Variants in PRKAR2B observed in about 807,000 individuals in gnomAD.
PRKAR2B encodes the protein protein kinase cAMP-dependent type II regulatory subunit beta.
In PRKAR2B, 14 loss-of-function variants were observed where a neutral mutation model predicts 49.9. That is an observed-to-expected ratio of 0.28 (90% CI 0.19 to 0.44). The LOEUF is 0.44. PRKAR2B is among the 20% of genes least tolerant of loss of function. The pLI, the probability that PRKAR2B is intolerant of heterozygous loss-of-function variation, is 1.00. For missense variants in PRKAR2B, 393 were observed against 537.9 expected (o/e 0.73, Z 2.67); for synonymous variants, 196 against 197.7 (o/e 0.99, Z 0.07).
intron 1 of PRKAR2B, among the ~76,000 whole-genome samples, chr7:107,060,324 G>T (rs1333707716): frequency 1.3e-5 from 2 of 152,124 alleles, no homozygotes; most frequent in East Asian, 1.9e-4. Context: ...CTTTATAAAG[G>T]TGTTGCACCA....
chr7:107,149,096 A>G (rs1268402391), intron 6 of PRKAR2B, among the ~76,000 whole-genome samples: 1 of 152,314 alleles, frequency 6.6e-6, no homozygotes, highest in Non-Finnish European at 1.5e-5. Context: ...GGGAGCATTT[A>G]TGAATTATTG....
At position 107,045,074 on chromosome 7, in the gene PRKAR2B, G is replaced by A; in HGVS notation, c.167G>A (p.Arg56Lys). ...KGTARFGHEG[R>K]TWGDLGAAAG... ...ACCGCGCGCTTCGGCCATGAGGGCA[G>A]GACCTGGGGGGACCTGGGCGCCGCT... The change falls in exon 1 of 11, where the codon AGG (arginine) becomes AAG (lysine). Residue 56 changes from arginine to lysine, a missense_variant. Around this residue, in one of 2 missense-constraint regions of PRKAR2B, gnomAD observed 160 missense variants for 147.6 expected, o/e 1.08. Coordinates refer to ENST00000265717, the MANE Select transcript of PRKAR2B (RefSeq NM_002736.3). 6.5e-7 allele frequency: 1 copy of A among 1,535,844 alleles called. No homozygotes were observed.
chr7:107,044,902 G>A lies in PRKAR2B; in HGVS notation c.-6G>A, dbSNP rs1162910750. ...GCGCCCAGGCGCCTGCCGCCCCGGA[G>A]GCAGGATGAGCATCGAGATCCCGGC... On this transcript the variant is annotated 5_prime_UTR_variant, in exon 1 of 11. Coordinates refer to ENST00000265717, the MANE Select transcript of PRKAR2B (RefSeq NM_002736.3). 9 of 1,590,970 alleles carry A rather than the reference G, an allele frequency of 5.7e-6. No homozygotes were observed. The Admixed American group carries it at 6.9e-5, about 12-fold the overall frequency.
chr7:107,103,028 C>G (rs188917974), intron 2 of PRKAR2B, among the ~76,000 whole-genome samples: 4 of 151,980 alleles, frequency 2.6e-5, no homozygotes, highest in Admixed American at 2.6e-4. Context: ...ATTCATATCT[C>G]CAAAAAAGAG....
intron 2 of PRKAR2B, among the ~76,000 whole-genome samples, chr7:107,082,627 G>A (rs565844329): frequency 2.0e-5 from 3 of 151,688 alleles, no homozygotes; most frequent in Admixed American, 6.6e-5. Flanking sequence ...ATGGAGTCTC[G>A]CTCTGTCGCC....
intron 2 of PRKAR2B, among the ~76,000 whole-genome samples, chr7:107,116,774 A>G (rs1177536689): frequency 6.6e-6 from 1 of 151,812 alleles, no homozygotes; most frequent in Non-Finnish European, 1.5e-5. Flanking sequence ...GGTCTATACC[A>G]AATTACCTGG....
intron 6 of PRKAR2B, among the ~76,000 whole-genome samples, chr7:107,146,682 C>T (rs1348156970): frequency 6.6e-6 from 1 of 152,218 alleles, no homozygotes; most frequent in Non-Finnish European, 1.5e-5. Flanking sequence ...AGCTTGGGAC[C>T]TGGTGGCCCA....
intron 4 of PRKAR2B, 71 bp from the exon 5 acceptor site, chr7:107,140,776 T>G: frequency 1.8e-6 from 2 of 1,102,458 alleles, no homozygotes; most frequent in Non-Finnish European, 1.3e-6. Flanking sequence ...CACAGAAATA[T>G]AACTGTGGTT....
rs571304446 is a variant in PRKAR2B, at chr7:107,123,255, CA to C, written c.396+1255del. 2.1e-3 allele frequency among the ~76,000 whole-genome samples: 321 copies of C among 152,284 alleles called. 2 individuals carry two copies. Among genetic ancestry groups the C allele is most frequent in the African/African-American group, 7.3e-3 (304 of 41,544 alleles). On this transcript the variant is annotated intron_variant, in intron 3 of 10. Transcript: ENST00000265717. ...AACAATATGCAGTATCTCATTGATT[CA>C]AAAGCTGTTAGGCCTTGAATTTTAG... is the stretch of plus-strand genomic sequence containing the variant.
intron 1 of PRKAR2B, among the ~76,000 whole-genome samples, chr7:107,050,365 G>A (rs1271397657): frequency 1.7e-5 from 1 of 59,294 alleles, no homozygotes; most frequent in Admixed American, 2.2e-4. Flanking sequence ...TTTTTTTTGT[G>A]GATGCACATA....
At chr7:107,053,427 A>G (rs1269102549) in intron 1 of PRKAR2B, among the ~76,000 whole-genome samples, 2 of 152,150 alleles carry the variant, frequency 1.3e-5, no homozygotes, top group African/African-American at 4.8e-5. Context: ...TTTGGAGACT[A>G]CAGCTGTAAA....
At chr7:107,084,682 G>A (rs889741850) in intron 2 of PRKAR2B, among the ~76,000 whole-genome samples, 31 of 150,306 alleles carry the variant, frequency 2.1e-4, no homozygotes, top group African/African-American at 5.4e-4. Flanking sequence ...GTGCAGTGGC[G>A]CGATCATGGC....
intron 2 of PRKAR2B, among the ~76,000 whole-genome samples, chr7:107,106,723 G>A (rs1323743288): frequency 2.0e-5 from 3 of 152,172 alleles, no homozygotes; most frequent in Non-Finnish European, 2.9e-5. Context: ...TGTAAAAGCC[G>A]GAGGGGTGTT....
At chr7:107,130,459 C>A (rs931518282) in intron 4 of PRKAR2B, among the ~76,000 whole-genome samples, 2 of 151,938 alleles carry the variant, frequency 1.3e-5, no homozygotes, top group Non-Finnish European at 2.9e-5. Flanking sequence ...GACCTGAGAT[C>A]ACACCACTGC....
At chr7:107,078,472 C>T (rs1232362320) in intron 2 of PRKAR2B, among the ~76,000 whole-genome samples, 1 of 152,114 alleles carries the variant, frequency 6.6e-6, no homozygotes. Context: ...AGGCTTGTTC[C>T]TTGGGTGGGA....
chr7:107,147,323 T>G (rs1285580599), intron 6 of PRKAR2B, among the ~76,000 whole-genome samples: 3 of 152,034 alleles, frequency 2.0e-5, no homozygotes, highest in Non-Finnish European at 2.9e-5. Context: ...AAAAAAATCC[T>G]CTTACCTAGA....
Position 107,140,844 on chromosome 7 carries a change from T to C in PRKAR2B, c.481-3T>C. ...GATTATATCCCATCTTTTTTAAAAA[T>C]AGGAGCAGATGTCTCAAGTATTAGA... On this transcript the variant is annotated splice_polypyrimidine_tract_variant and splice_region_variant and intron_variant, in intron 4 of 10. Transcript: ENST00000265717. 6.3e-7 allele frequency: 1 copy of C among 1,598,434 alleles called. No individual in the cohort carries two copies. The highest frequency in any genetic ancestry group is 2.2e-5 in the East Asian group (1 of 44,546).
chr7:107,127,866 C>T (rs1433353151), intron 3 of PRKAR2B, among the ~76,000 whole-genome samples: 3 of 152,200 alleles, frequency 2.0e-5, no homozygotes, highest in Non-Finnish European at 4.4e-5. Flanking sequence ...TCCTTTTGTA[C>T]GGGTCCCCAC....
At chr7:107,077,518 T>A (rs1195896017) in intron 2 of PRKAR2B, 4 of 152,216 alleles carry the variant, frequency 2.6e-5, no homozygotes, top group African/African-American at 9.6e-5. Flanking sequence ...TTCTAGGTAT[T>A]TCTATTCAGT....
Sources: allele counts gnomAD v4.1 joint callset (sites outside exome capture counted in the v4.1 genomes callset), GRCh38; gene constraint gnomAD v4.1.1; regional missense constraint gnomAD v4.1.1; transcripts MANE v1.5; gene names NCBI Gene and HGNC (gene_info 2026-07-23, HGNC 2026-07-21).